The following PRMT8 variants were observed in gnomAD, a reference collection of about 807,000 sequenced individuals.
The protein encoded by PRMT8 is protein arginine N-methyltransferase 8.
PRMT8 carries 7 observed loss-of-function variants against 47.1 expected under a neutral mutation model. That is an observed-to-expected ratio of 0.15 (90% CI 0.08 to 0.28). The LOEUF is 0.28. PRMT8 is among the 10% of genes least tolerant of loss of function. The pLI is 1.00. For missense variants in PRMT8, 237 were observed against 505.4 expected (o/e 0.47, Z 5.09); for synonymous variants, 188 against 186.5 (o/e 1.01, Z -0.07).
At chr12:3,588,340 A>G (rs949974105) in intron 8 of PRMT8, among the ~76,000 whole-genome samples, 1 of 152,194 alleles carries the variant, frequency 6.6e-6, no homozygotes, top group African/African-American at 2.4e-5. Flanking sequence ...ATATCCCAGA[A>G]AGGACGACCA....
intron 2 of PRMT8, among the ~76,000 whole-genome samples, chr12:3,548,190 C>T (rs1866359068): frequency 6.6e-6 from 1 of 151,994 alleles, no homozygotes; most frequent in African/African-American, 2.4e-5. Flanking sequence ...TTACACTATA[C>T]ACAAAAATTA....
intron 2 of PRMT8, among the ~76,000 whole-genome samples, chr12:3,546,267 C>T (rs1201200447): frequency 6.6e-6 from 1 of 152,168 alleles, no homozygotes; most frequent in African/African-American, 2.4e-5. Context: ...ATGACCAAAA[C>T]TTCTACCTTA....
intron 1 of PRMT8, among the ~76,000 whole-genome samples, chr12:3,432,560 G>A (rs902572997): frequency 6.6e-6 from 1 of 152,120 alleles, no homozygotes; most frequent in Admixed American, 6.5e-5. Flanking sequence ...CCCAGCCCAG[G>A]CAGGAAGGGC....
chr12:3,535,119 C>G lies in PRMT8; in HGVS notation c.76-5487C>G, dbSNP rs531896184. Among the ~76,000 whole-genome samples the G allele has an allele frequency of 1.3e-5, 2 of 152,304 alleles. No homozygotes were observed. Among genetic ancestry groups the G allele is most frequent in the South Asian group, 4.1e-4 (2 of 4,824 alleles). ...TTAGGTCAAACATGCTCCCCCAAAT[C>G]CCCACCCCTGCTTGTGGAAATCCGA... On this transcript the variant is annotated intron_variant, in intron 1 of 9. Transcript: ENST00000382622. The surrounding 1 kb of genome is among the most constrained non-coding windows in gnomAD (Gnocchi z 4.7).
intron 2 of PRMT8, among the ~76,000 whole-genome samples, chr12:3,544,640 T>A (rs1440543718): frequency 6.6e-6 from 1 of 152,210 alleles, no homozygotes; most frequent in Admixed American, 6.5e-5. Context: ...TGTGGCTCGC[T>A]GCCTGGCAGG....
intron 2 of PRMT8, among the ~76,000 whole-genome samples, chr12:3,547,533 C>G (rs1382788398): frequency 2.6e-5 from 4 of 152,070 alleles, no homozygotes; most frequent in African/African-American, 9.7e-5. Context: ...ACCGCAGCAC[C>G]TTGGGAGGCC....
chr12:3,582,918 C>G, intron 7 of PRMT8, 140 bp from the exon 8 acceptor site: 4 of 996,738 alleles, frequency 4.0e-6, no homozygotes, highest in Non-Finnish European at 5.8e-6. Flanking sequence ...CGGTGGGGAG[C>G]CTGGGAAATC....
chr12:3,547,016 A>G (rs575544532), intron 2 of PRMT8, among the ~76,000 whole-genome samples: 2 of 152,386 alleles, frequency 1.3e-5, no homozygotes, highest in South Asian at 2.1e-4. Flanking sequence ...AATAAAGGAG[A>G]AAAGTCATAT....
Position 3,438,285 on chromosome 12 carries a change from T to A in PRMT8, c.48+56843T>A, listed in dbSNP as rs79702111. 1.4e-3 allele frequency among the ~76,000 whole-genome samples: 216 copies of A among 152,324 alleles called. 1 individual carries two copies. The East Asian group carries it at 0.028, about 19-fold the overall frequency. On this transcript the variant is annotated intron_variant, in intron 1 of 9. Coordinates refer to the PRMT8 transcript ENST00000452611. ...CCGTCTCCCGTTTAGTCATTCGCGG[T>A]TTCAGGGACCCTGCTGTCGCCCATG...
Position 3,464,646 on chromosome 12 carries a change from C to T in PRMT8, c.49-75960C>T, listed in dbSNP as rs544202336. 1.2e-4 allele frequency among the ~76,000 whole-genome samples: 19 copies of T among 152,222 alleles called. 1 individual carries two copies. Among genetic ancestry groups the T allele is most frequent in the Admixed American group, 5.2e-4 (8 of 15,284 alleles). Reference sequence around the variant, plus strand: ...TTAAGGGAAGAAAAGACCCATACCCCGGTATCTGTAGCCTCTACCCCTTAA... The same window carrying T: ...TTAAGGGAAGAAAAGACCCATACCCTGGTATCTGTAGCCTCTACCCCTTAA... On this transcript the variant is annotated intron_variant, in intron 1 of 9. Transcript: ENST00000452611.
rs765266417 is a variant in PRMT8, at chr12:3,550,010, C to T, written c.336C>T (p.Asp112=). Residue 112 remains aspartate, a synonymous_variant, in exon 3 of 10, where the codon GAC becomes GAT. Coordinates refer to ENST00000382622, the MANE Select transcript of PRMT8 (RefSeq NM_019854.5). This position sits in a 1 kb window ranked among gnomAD's most constrained non-coding sequence, Gnocchi z 5.1. ...ACCACAACAAGCACGTGTTCAAGGACAAAGTGGTACTGGATGTGGGGAGTG... is the reference window on the plus strand; with the variant it reads ...ACCACAACAAGCACGTGTTCAAGGATAAAGTGGTACTGGATGTGGGGAGTG... ...SMYHNKHVFK[D]KVVLDVGSGT... 25 of 1,614,102 alleles carry T rather than the reference C, an allele frequency of 1.5e-5. No homozygotes were observed. The highest frequency in any genetic ancestry group is 1.9e-5 in the Non-Finnish European group (23 of 1,180,052).
In PRMT8 at chr12:3,549,965, C is replaced by G. The variant is rs774178091; in HGVS notation, c.291C>G (p.Leu97=). The change falls in exon 3 of 10, where the codon CTC becomes CTG. Residue 97 remains leucine, a synonymous_variant. Coordinates refer to ENST00000382622, the MANE Select transcript of PRMT8 (RefSeq NM_019854.5). ...TGCTGAAGGATGAGGTGCGGACTCT[C>G]ACTTACCGGAACTCCATGTACCACA... is the stretch of plus-strand genomic sequence containing the variant. ...EEMLKDEVRT[L]TYRNSMYHNK... The G allele has an allele frequency of 6.2e-7, 1 of 1,614,164 alleles. No homozygotes were observed. Among genetic ancestry groups the G allele is most frequent in the South Asian group, 1.1e-5 (1 of 91,076 alleles).
chr12:3,434,476 C>A (rs1357207301), intron 1 of PRMT8, among the ~76,000 whole-genome samples: 2 of 152,188 alleles, frequency 1.3e-5, no homozygotes, highest in Non-Finnish European at 2.9e-5. Context: ...TTTAACATAA[C>A]CCTAAGCAAC....
chr12:3,497,108 A>C (rs530582958), intron 1 of PRMT8, among the ~76,000 whole-genome samples: 31 of 152,310 alleles, frequency 2.0e-4, no homozygotes, highest in African/African-American at 7.5e-4. Context: ...CTGTAAAAAC[A>C]GTCCTTACAC....
intron 1 of PRMT8, among the ~76,000 whole-genome samples, chr12:3,525,805 A>C (rs113606862): frequency 0.021 from 3,164 of 152,250 alleles, 38 homozygotes; most frequent in Middle Eastern, 0.071. Context: ...AAATAAATAC[A>C]TTTGTCTATT....
At chr12:3,507,386 G>C (rs967268702) in intron 1 of PRMT8, among the ~76,000 whole-genome samples, 1 of 152,162 alleles carries the variant, frequency 6.6e-6, no homozygotes, top group African/African-American at 2.4e-5. Flanking sequence ...CTCCCAAAAC[G>C]CTGGGATTAC....
In PRMT8 at chr12:3,540,838, T is replaced by C. The variant is rs1479540710; in HGVS notation, c.261+47T>C. ...GCTAATGGGGCGAGGCTGACTCTGC[T>C]GTTCTGTTGTTTTCAGAGGCAGCAT... On this transcript the variant is annotated intron_variant, in intron 2 of 9. Coordinates refer to ENST00000382622, the MANE Select transcript of PRMT8 (RefSeq NM_019854.5). 4 of 1,565,928 alleles carry C rather than the reference T, an allele frequency of 2.6e-6. No individual in the cohort carries two copies. The Admixed American group carries it at 6.8e-5, about 27-fold the overall frequency.
At chr12:3,543,630 T>C (rs1233451740) in intron 2 of PRMT8, among the ~76,000 whole-genome samples, 1 of 152,202 alleles carries the variant, frequency 6.6e-6, no homozygotes, top group Non-Finnish European at 1.5e-5. Flanking sequence ...CAAGAAATGC[T>C]GAGTACAGGG....
intron 1 of PRMT8, among the ~76,000 whole-genome samples, chr12:3,435,831 T>C (rs1454434568): frequency 6.6e-6 from 1 of 152,150 alleles, no homozygotes; most frequent in Non-Finnish European, 1.5e-5. Context: ...ACGTCGTGTG[T>C]TTTGAACCCC....
Sources: allele counts gnomAD v4.1 joint callset (sites outside exome capture counted in the v4.1 genomes callset), GRCh38; gene constraint gnomAD v4.1.1; non-coding constraint Gnocchi (gnomAD v3.1); transcripts MANE v1.5; gene names NCBI Gene and HGNC (gene_info 2026-07-23, HGNC 2026-07-21).